CES4A: variants seen among roughly 807,000 people sequenced by gnomAD.
The protein encoded by CES4A is carboxylesterase 6.
A neutral mutation model predicts 65.4 loss-of-function variants in CES4A; 48 were observed. The observed-to-expected ratio is 0.73, with a 90% CI of 0.58 to 0.93. CES4A has a LOEUF of 0.93. Among genes scored for constraint, CES4A ranks in the 40% least tolerant of loss-of-function variants. CES4A has a pLI of 0.00. For synonymous variants in CES4A, 247 were observed against 281.8 expected (o/e 0.88, Z 1.24); for missense variants, 685 against 728.5 (o/e 0.94, Z 0.69).
At chr16:67,006,495 C>T (rs2145666165) in exon 12 of CES4A, 2 of 1,536,996 alleles carry the variant, frequency 1.3e-6, no homozygotes, top group African/African-American at 2.7e-5. Flanking sequence ...GATGTACTTC[C>T]TCTTTGGGGG....
At position 66,988,968 on chromosome 16, in the gene CES4A, T is replaced by G. The variant is rs111229583; in HGVS notation, c.58+138T>G. On this transcript the variant is annotated intron_variant, in intron 1 of 13. Transcript: ENST00000648724. ...GGCCTGGGCAAATGGAGGGTAGGGTTTCAGGACACTAAACCATCTACCAGC... is the reference window on the plus strand; with the variant it reads ...GGCCTGGGCAAATGGAGGGTAGGGTGTCAGGACACTAAACCATCTACCAGC... 729 of 1,031,182 alleles carry G rather than the reference T, an allele frequency of 7.1e-4. 7 individuals carry two copies. The African/African-American group carries it at 0.011, about 15-fold the overall frequency. The allele number at this position is 1,031,182 out of a possible 1,614,324, so 63.9% of individuals were successfully genotyped here.
chr16:66,991,833 G>T lies in CES4A; in HGVS notation c.58+3003G>T, dbSNP rs141302170. Among the ~76,000 whole-genome samples the T allele has an allele frequency of 3.4e-4, 52 of 152,264 alleles. No homozygotes were observed. The East Asian group carries it at 9.8e-3, about 29-fold the overall frequency. Reference sequence around the variant, plus strand: ...AGAAAAATGAGGTGAGGCTGGGCGTGGTGGCTCATGCATGCCTGTACTCCC... The same window carrying T: ...AGAAAAATGAGGTGAGGCTGGGCGTTGTGGCTCATGCATGCCTGTACTCCC... On this transcript the variant is annotated intron_variant, in intron 1 of 13. Coordinates refer to ENST00000648724, the Ensembl canonical transcript of CES4A.
At chr16:66,994,814 G>C (rs1964693735) in intron 1 of CES4A, among the ~76,000 whole-genome samples, 1 of 148,568 alleles carries the variant, frequency 6.7e-6, no homozygotes, top group African/African-American at 2.6e-5. Flanking sequence ...ACTCCAGCCT[G>C]GGCAAAAACA....
At chr16:66,996,043 G>A (rs767066325) in intron 2 of CES4A, 24 of 686,850 alleles carry the variant, frequency 3.5e-5, no homozygotes, top group Non-Finnish European at 6.1e-5. Context: ...TTTTGTTTTT[G>A]TTTTTGTTTT....
At chr16:66,999,949 T>A (rs979935192) in intron 2 of CES4A, among the ~76,000 whole-genome samples, 8 of 151,766 alleles carry the variant, frequency 5.3e-5, no homozygotes, top group African/African-American at 1.9e-4. Flanking sequence ...CCCACGGGCT[T>A]GGAGGTGGGA....
chr16:66,989,522 A>C (rs1370906259), intron 1 of CES4A, among the ~76,000 whole-genome samples: 2 of 151,866 alleles, frequency 1.3e-5, no homozygotes, highest in East Asian at 3.9e-4. Flanking sequence ...AGTGAGACCT[A>C]GCCTGGGTAA....
intron 1 of CES4A, 137 bp from the exon 2 acceptor site, chr16:66,995,491 A>G: frequency 1.4e-6 from 1 of 701,852 alleles, no homozygotes; most frequent in Non-Finnish European, 2.5e-6. Context: ...TTTGTGGCTG[A>G]GTGGCTGCGC....
At chr16:67,004,135 C>T in exon 9 of CES4A, 1 of 1,614,140 alleles carries the variant, frequency 6.2e-7, no homozygotes, top group South Asian at 1.1e-5. Context: ...CCCAGATGAC[C>T]CTTTGGTGCT....
Position 67,000,608 on chromosome 16 carries a change from G to C in CES4A, c.261-30G>C, listed in dbSNP as rs879578833. On this transcript the variant is annotated intron_variant, in intron 2 of 13. Transcript: ENST00000648724. This position sits in a 1 kb window ranked among gnomAD's most constrained non-coding sequence, Gnocchi z 4.2. ...GACCCTGGATTGAAACGATCTCCCC[G>C]CGGCCGCCGCCGCTACCTGGTGCCC... 1 of 1,530,332 alleles carries C rather than the reference G, an allele frequency of 6.5e-7. No homozygotes were observed. Among genetic ancestry groups the C allele is most frequent in the Non-Finnish European group, 8.8e-7 (1 of 1,135,366 alleles). 94.8% of individuals were successfully genotyped at this position (1,530,332 alleles called of 1,614,324 possible). A position where few individuals can be genotyped will look rare whatever the true frequency, so the allele number is the denominator to read the frequency against.
intron 1 of CES4A, among the ~76,000 whole-genome samples, chr16:66,995,328 T>C (rs1409898572): frequency 6.6e-6 from 1 of 150,954 alleles, no homozygotes. Flanking sequence ...AATAAATAAA[T>C]AAATAAATAA....
Position 67,001,427 on chromosome 16 carries a change from G to GCCAGTC in CES4A, c.657_662dup (p.Gln220_Ser221dup). The GCCAGTC allele has an allele frequency of 1.2e-6, 2 of 1,612,552 alleles. No homozygotes were observed. Among genetic ancestry groups the GCCAGTC allele is most frequent in the Admixed American group, 3.3e-5 (2 of 59,890 alleles). On this transcript the variant is annotated inframe_insertion, in exon 5 of 14. Transcript: ENST00000648724. This position sits in a 1 kb window ranked among gnomAD's most constrained non-coding sequence, Gnocchi z 4.1. ...GACCCAGGAAATGTGACCCTGTTCG[G>GCCAGTC]CCAGTCGGCGGGGGCCATGAGCATC...
chr16:66,996,268 C>A, intron 2 of CES4A: 1 of 335,144 alleles, frequency 3.0e-6, no homozygotes, highest in South Asian at 2.3e-5. Flanking sequence ...ATCTCTTGAC[C>A]TCGTGATCCA....
At position 67,003,970 on chromosome 16, in the gene CES4A, C is replaced by G; in HGVS notation, c.940-114C>G. 1 of 1,144,608 alleles carries G rather than the reference C, an allele frequency of 8.7e-7. No homozygotes were observed. Among genetic ancestry groups the G allele is most frequent in the Non-Finnish European group, 1.3e-6 (1 of 782,314 alleles). 70.9% of individuals were successfully genotyped at this position (1,144,608 alleles called of 1,614,324 possible). ...TGGGGCTCACCATGCCAGCCCCAGC[C>G]TTTTCCCAATCAAAGAACCTAGGCT... On this transcript the variant is annotated intron_variant, in intron 8 of 13. Transcript: ENST00000648724. This position sits in a 1 kb window ranked among gnomAD's most constrained non-coding sequence, Gnocchi z 4.2.
At chr16:67,002,377 A>AGCAGAGACTCGGAGAGCTACTGGGAGGG (rs1257481712) in intron 5 of CES4A, among the ~76,000 whole-genome samples, 5 of 152,122 alleles carry the variant, frequency 3.3e-5, no homozygotes, top group Non-Finnish European at 5.9e-5. Context: ...AAGAAACAGG[A>AGCAGAGACTCGGAGAGCTACTGGGAGGG]GCAGAGACTC....
chr16:67,002,823 C>G (rs189761261), intron 5 of CES4A, among the ~76,000 whole-genome samples: 2 of 152,252 alleles, frequency 1.3e-5, no homozygotes, highest in East Asian at 3.9e-4. Flanking sequence ...CTTTTCCACA[C>G]CAGCAGATTC....
At chr16:67,006,038 G>T (rs186487652) in intron 11 of CES4A, 42 of 243,164 alleles carry the variant, frequency 1.7e-4, no homozygotes, top group Non-Finnish European at 2.9e-4. Context: ...CAGGTTAAAG[G>T]GGGGGGGGCT....
At chr16:66,999,134 A>C (rs1016880203) in intron 2 of CES4A, among the ~76,000 whole-genome samples, 2 of 152,228 alleles carry the variant, frequency 1.3e-5, no homozygotes, top group African/African-American at 4.8e-5. Flanking sequence ...CTGCTGCCAA[A>C]GGAGTGTTGG....
intron 2 of CES4A, among the ~76,000 whole-genome samples, chr16:66,997,345 G>GT (rs1286575675): frequency 6.6e-6 from 1 of 152,174 alleles, no homozygotes; most frequent in East Asian, 1.9e-4. Flanking sequence ...AACAATGGCT[G>GT]TTTGGAAACG....
At chr16:66,996,160 C>CT (rs1300030328) in intron 2 of CES4A, 1 of 443,712 alleles carries the variant, frequency 2.3e-6, no homozygotes, top group East Asian at 6.0e-5. Flanking sequence ...GCCTCAGCCT[C>CT]TGAGTATCTG....
Sources: gnomAD v4.1 joint callset for allele counts (sites outside exome capture counted in the v4.1 genomes callset) on GRCh38, gnomAD v4.1.1 for gene constraint, Gnocchi (gnomAD v3.1) non-coding constraint, MANE v1.5 for transcripts, NCBI Gene and HGNC (gene_info 2026-07-23, HGNC 2026-07-21) for gene names.